Variants in MPHOSPH8 observed in about 807,000 individuals in gnomAD.
The protein encoded by MPHOSPH8 is M-phase phosphoprotein 8, also known as M-phase phosphoprotein, mpp.
A neutral mutation model predicts 87.3 loss-of-function variants in MPHOSPH8; 45 were observed. That is an observed-to-expected ratio of 0.52 (90% CI 0.41 to 0.66). The LOEUF is 0.66. Ranked by LOEUF, MPHOSPH8 falls within the 30% of genes least tolerant of loss-of-function variation. MPHOSPH8 has a pLI of 0.00. For missense variants in MPHOSPH8, 883 were observed against 1,020.2 expected (o/e 0.87, Z 1.83); for synonymous variants, 366 against 376.9 (o/e 0.97, Z 0.33).
intron 5 of MPHOSPH8, among the ~76,000 whole-genome samples, chr13:19,654,876 AG>A (rs1490902442): frequency 6.6e-6 from 1 of 152,102 alleles, no homozygotes; most frequent in African/African-American, 2.4e-5. Context: ...TGAACCCAGG[AG>A]GCAGAGGTTT....
At chr13:19,654,226 A>C (rs1875027492) in intron 5 of MPHOSPH8, among the ~76,000 whole-genome samples, 1 of 152,228 alleles carries the variant, frequency 6.6e-6, no homozygotes, top group South Asian at 2.1e-4. Flanking sequence ...ACACAAGAAC[A>C]GAAAACTAAA....
Position 19,672,532 on chromosome 13 carries a change from C to T in MPHOSPH8, c.*657C>T, listed in dbSNP as rs2780355. On this transcript the variant is annotated 3_prime_UTR_variant, in exon 14 of 14. Transcript: ENST00000361479. ...AAAAAAAAAAAGGAAAAATTCAGCTCTAAAACATTTGCTTACAGCAAGGGA... is the reference window on the plus strand; with the variant it reads ...AAAAAAAAAAAGGAAAAATTCAGCTTTAAAACATTTGCTTACAGCAAGGGA... The T allele has an allele frequency of 6.7e-6, 1 of 149,800 alleles. No individual in the cohort carries two copies. The highest frequency in any genetic ancestry group is 2.1e-4 in the South Asian group (1 of 4,738). The allele number at this position is 149,800 out of a possible 1,614,324, so 9.3% of individuals were successfully genotyped here.
At chr13:19,661,663 G>C in intron 7 of MPHOSPH8, 35 bp from the exon 8 acceptor site, 1 of 1,559,488 alleles carries the variant, frequency 6.4e-7, no homozygotes, top group Non-Finnish European at 8.7e-7. Context: ...TCTGACTAAA[G>C]ATTAACACGT....
chr13:19,656,277 CAAAA>C (rs71198922), intron 5 of MPHOSPH8, among the ~76,000 whole-genome samples: 11 of 72,258 alleles, frequency 1.5e-4, no homozygotes, highest in African/African-American at 3.8e-4. Context: ...AGACTGTTGT[CAAAA>C]AAAAAAAAAA....
At chr13:19,640,847 T>G (rs183729652) in intron 1 of MPHOSPH8, among the ~76,000 whole-genome samples, 7 of 152,220 alleles carry the variant, frequency 4.6e-5, no homozygotes, top group Non-Finnish European at 8.8e-5. Flanking sequence ...TATGATGGAA[T>G]AATCTTAAGT....
intron 5 of MPHOSPH8, chr13:19,650,480 C>T (rs1473213164): frequency 1.7e-5 from 7 of 415,578 alleles, no homozygotes; most frequent in South Asian, 1.8e-4. Flanking sequence ...GTTCTCAGCA[C>T]GTATAGAAAT....
Position 19,661,728 on chromosome 13 carries a change from G to C in MPHOSPH8, c.1822G>C (p.Ala608Pro). The C allele has an allele frequency of 6.2e-7, 1 of 1,610,140 alleles. No homozygotes were observed. Among genetic ancestry groups the C allele is most frequent in the South Asian group, 1.1e-5 (1 of 90,690 alleles). Residue 608 changes from alanine (A) to proline (P), a missense_variant, in exon 8 of 14, where the codon GCC becomes CCC. Transcript: ENST00000361479. ...CAGTGGAATGACACTGGTGATGCTT[G>C]CCGCCGCCGGAGGGCAGGACGACCT... ...DSSGMTLVML[A>P]AAGGQDDLLR...
rs556619400 is a variant in MPHOSPH8 at position 19,646,144 on chromosome 13, A to C, written c.370-299A>C. Reference sequence around the variant, plus strand: ...GTGGTTTTGGAAATGTTGAAATTCAAATCATTTATAGCCCACCATACCTGA... The same window carrying C: ...GTGGTTTTGGAAATGTTGAAATTCACATCATTTATAGCCCACCATACCTGA... On this transcript the variant is annotated intron_variant, in intron 2 of 13. Coordinates refer to ENST00000361479, the MANE Select transcript of MPHOSPH8 (RefSeq NM_017520.4). Among the ~76,000 whole-genome samples, 5 of 152,248 alleles carry C rather than the reference A, an allele frequency of 3.3e-5. No homozygotes were observed. The South Asian group carries it at 1.0e-3, about 32-fold the overall frequency.
rs528849658 is a variant in MPHOSPH8, at chr13:19,647,055, G to A, written c.982G>A (p.Gly328Ser). 6 of 1,606,724 alleles carry A rather than the reference G, an allele frequency of 3.7e-6. No homozygotes were observed. In the South Asian group the frequency reaches 5.5e-5, roughly 15 times the overall value. Reference protein sequence around the residue: ...MSAEEDTDVRGRRKKKTPRKA... With the variant: ...MSAEEDTDVRSRRKKKTPRKA... ...TGCTGAGGAGGATACCGATGTCAGA[G>A]GCAGGAGGAAAAAGAAGACCCCGAG... Residue 328 changes from glycine to serine, a missense_variant, in exon 3 of 14, where the codon GGC (glycine) becomes AGC (serine). Coordinates refer to ENST00000361479, the MANE Select transcript of MPHOSPH8 (RefSeq NM_017520.4).
intron 1 of MPHOSPH8, among the ~76,000 whole-genome samples, chr13:19,636,088 C>T (rs1416525849): frequency 1.3e-5 from 2 of 152,174 alleles, no homozygotes; most frequent in Non-Finnish European, 2.9e-5. Flanking sequence ...AGCCTCTTTC[C>T]TTTATAAATT....
chr13:19,652,707 C>T (rs1295946002), intron 5 of MPHOSPH8, among the ~76,000 whole-genome samples: 1 of 152,172 alleles, frequency 6.6e-6, no homozygotes, highest in Non-Finnish European at 1.5e-5. Flanking sequence ...GCCAGCACAG[C>T]AGTCTGAGAT....
chr13:19,659,047 G>A lies in MPHOSPH8; in HGVS notation c.1629G>A (p.Met543Ile), dbSNP rs751885140. 6.2e-6 allele frequency: 10 copies of A among 1,614,192 alleles called. No homozygotes were observed. The highest frequency in any genetic ancestry group is 2.2e-5 in the East Asian group (1 of 44,874). ...SLGMDLQLEWMKLEDFQKHLD... is the reference protein window; with the variant it reads ...SLGMDLQLEWIKLEDFQKHLD... Reference sequence around the variant, plus strand: ...GCATGGACCTGCAGTTGGAATGGATGAAGTTGGAAGATTTCCAAAAGCACC... The same window carrying A: ...GCATGGACCTGCAGTTGGAATGGATAAAGTTGGAAGATTTCCAAAAGCACC... Residue 543 changes from methionine (M) to isoleucine (I), a missense_variant, in exon 6 of 14, where the codon ATG becomes ATA. Physicochemically the swap from Met to Ile is conservative, Grantham distance 10. This residue lies in a region of MPHOSPH8 where 741 missense variants were observed against 841.5 expected (regional missense o/e 0.88). Transcript: ENST00000361479.
In MPHOSPH8 at chr13:19,659,301, T is replaced by C. The variant is rs771096705; in HGVS notation, c.1791+12T>C. 58 of 1,560,688 alleles carry C rather than the reference T, an allele frequency of 3.7e-5. No homozygotes were observed. Among genetic ancestry groups the C allele is most frequent in the Non-Finnish European group, 5.0e-5 (57 of 1,146,666 alleles). The stretch of plus-strand genomic sequence containing the variant: ...ACCTGGACCAAGAGGTAATATGTCG[T>C]TGAAAAATCTCATGAAAGGAAAATG... On this transcript the variant is annotated intron_variant, in intron 7 of 13. Transcript: ENST00000361479.
chr13:19,646,721 C>T lies in MPHOSPH8; in HGVS notation c.648C>T (p.Pro216=), dbSNP rs1213923854. The T allele has an allele frequency of 6.3e-7, 1 of 1,585,770 alleles. No homozygotes were observed. The highest frequency in any genetic ancestry group is 1.4e-5 in the African/African-American group (1 of 72,058). Residue 216 remains proline (P), a synonymous_variant, in exon 3 of 14, where the codon CCC becomes CCT. Transcript: ENST00000361479. The stretch of plus-strand genomic sequence containing the variant: ...AAGAACTAAAGGAGTCCAAAAAGCC[C>T]AAAAAAGATGAAGTAAAAGAAACAA... ...AKEELKESKK[P]KKDEVKETKE... is the part of the protein sequence containing the mutation.
intron 7 of MPHOSPH8, chr13:19,659,659 C>T (rs780947729): frequency 2.2e-5 from 9 of 400,614 alleles, no homozygotes; most frequent in Non-Finnish European, 3.4e-5. Context: ...GCAAGACTCC[C>T]ATCTCAAAAA....
intron 11 of MPHOSPH8, among the ~76,000 whole-genome samples, chr13:19,669,402 A>C (rs570536163): frequency 6.6e-6 from 1 of 151,936 alleles, no homozygotes; most frequent in Non-Finnish European, 1.5e-5. Flanking sequence ...AGGTATGAGT[A>C]CCAGAGAACG....
chr13:19,671,217 T>C lies in MPHOSPH8; in HGVS notation c.2469T>C (p.Phe823=). The C allele has an allele frequency of 6.2e-7, 1 of 1,614,108 alleles. No individual in the cohort carries two copies. Among genetic ancestry groups the C allele is most frequent in the Non-Finnish European group, 8.5e-7 (1 of 1,180,034 alleles). ...TCTTTCCATTGTAGGACAGTCATTT[T>C]GTTTACTCATTCAGCCCTGTTGCAG... ...FQLPVFLDSH[F]VYSFSPVAGP... is the part of the protein sequence containing the mutation. Residue 823 remains phenylalanine (F), a synonymous_variant, in exon 13 of 14, where the codon TTT becomes TTC. Transcript: ENST00000361479.
rs763184116 is a variant in MPHOSPH8 at position 19,670,261 on chromosome 13, C to T, written c.2355C>T (p.Phe785=). 3.1e-6 allele frequency: 5 copies of T among 1,614,094 alleles called. No homozygotes were observed. The highest frequency in any genetic ancestry group is 4.2e-6 in the Non-Finnish European group (5 of 1,180,032). The stretch of plus-strand genomic sequence containing the variant: ...GCTCTGGCATCCTGCTGTTTATCTT[C>T]CATGCAAACTTTTTGGGTAAAGAAG... ...PEGSGILLFI[F]HANFLGKEVI... is the part of the protein sequence containing the mutation. Residue 785 remains phenylalanine, a synonymous_variant, in exon 12 of 14, where the codon TTC becomes TTT. Transcript: ENST00000361479.
At position 19,642,509 on chromosome 13, in the gene MPHOSPH8, T is replaced by C. The variant is rs150603467; in HGVS notation, c.369+239T>C. Among the ~76,000 whole-genome samples the C allele has an allele frequency of 2.6e-3, 399 of 152,286 alleles. 2 individuals are homozygous for C. The highest frequency in any genetic ancestry group is 9.2e-3 in the African/African-American group (383 of 41,570). On this transcript the variant is annotated intron_variant, in intron 2 of 13. Coordinates refer to ENST00000361479, the MANE Select transcript of MPHOSPH8 (RefSeq NM_017520.4). ...AATAGTTTGGAGATGAATATTGATATTTTCCTTTAAGTTAAGAGTAAGGTC... is the reference window on the plus strand; with the variant it reads ...AATAGTTTGGAGATGAATATTGATACTTTCCTTTAAGTTAAGAGTAAGGTC...
Sources: gnomAD v4.1 joint callset for allele counts (sites outside exome capture counted in the v4.1 genomes callset) on GRCh38, gnomAD v4.1.1 for gene constraint, gnomAD v4.1.1 regional missense constraint, MANE v1.5 for transcripts, NCBI Gene and HGNC (gene_info 2026-07-23, HGNC 2026-07-21) for gene names.